Variants in NDST4 observed in about 807,000 individuals in gnomAD.
The protein encoded by NDST4 is N-deacetylase and N-sulfotransferase 4, also known as N-heparan sulfate sulfotransferase 4.
NDST4 carries 63 observed loss-of-function variants against 100.8 expected under a neutral mutation model. The ratio of observed to expected loss-of-function variants is 0.62; its 90% CI spans 0.51 to 0.77. The LOEUF is 0.77. Among genes scored for constraint, NDST4 ranks in the 30% least tolerant of loss-of-function variants. NDST4 has a pLI of 0.00. For missense variants in NDST4, 943 were observed against 1,018.4 expected (o/e 0.93, Z 1.01); for synonymous variants, 377 against 361.8 (o/e 1.04, Z -0.48).
intron 2 of NDST4, among the ~76,000 whole-genome samples, chr4:115,024,060 A>G (rs1028922813): frequency 1.8e-4 from 28 of 152,150 alleles, no homozygotes; most frequent in African/African-American, 6.0e-4. Flanking sequence ...CACATCATGT[A>G]AGAGCTGTAA....
At chr4:115,074,823 C>T (rs1465708646) in intron 2 of NDST4, among the ~76,000 whole-genome samples, 1 of 152,086 alleles carries the variant, frequency 6.6e-6, no homozygotes, top group African/African-American at 2.4e-5. Context: ...GATCCAAAAA[C>T]GTCGATAACA....
chr4:115,013,522 T>C lies in NDST4; in HGVS notation c.979-36248A>G, dbSNP rs555217460. Among the ~76,000 whole-genome samples the C allele has an allele frequency of 4.9e-4, 74 of 151,764 alleles. No individual in the cohort carries two copies. In the Middle Eastern group the frequency reaches 0.01, roughly 21 times the overall value. ...TGAAGAAAAGGAAATAATCAGATGT[T>C]TTAGGGACTATAGAGACTGACTTTG... On this transcript the variant is annotated intron_variant, in intron 2 of 13. Transcript: ENST00000264363.
chr4:115,059,190 A>C (rs1299882749), intron 2 of NDST4, among the ~76,000 whole-genome samples: 4 of 152,068 alleles, frequency 2.6e-5, no homozygotes, highest in African/African-American at 9.7e-5. Flanking sequence ...TTGTACCAAC[A>C]AGATGGTAAT....
chr4:115,067,292 T>A (rs1186371736), intron 2 of NDST4, among the ~76,000 whole-genome samples: 1 of 152,178 alleles, frequency 6.6e-6, no homozygotes, highest in Non-Finnish European at 1.5e-5. Context: ...TTTGTGTTTA[T>A]CTCTAACTCT....
At chr4:115,108,301 C>G (rs553777315) in intron 1 of NDST4, among the ~76,000 whole-genome samples, 2 of 151,890 alleles carry the variant, frequency 1.3e-5, no homozygotes, top group South Asian at 4.1e-4. Context: ...TTCAATACAT[C>G]AAGAAGAAGA....
At chr4:115,007,793 C>A (rs138524832) in intron 2 of NDST4, among the ~76,000 whole-genome samples, 1 of 129,428 alleles carries the variant, frequency 7.7e-6, no homozygotes, top group African/African-American at 2.9e-5. Flanking sequence ...CCAAGCATTT[C>A]CCTTTGCTTC....
chr4:114,954,740 A>T (rs753266840), intron 4 of NDST4, among the ~76,000 whole-genome samples: 28 of 152,170 alleles, frequency 1.8e-4, no homozygotes, highest in Non-Finnish European at 1.6e-4. Context: ...TGCATGTTGA[A>T]TTGTAATCTC....
At chr4:115,070,348 TGGGA>T (rs1162016842) in intron 2 of NDST4, among the ~76,000 whole-genome samples, 6 of 151,890 alleles carry the variant, frequency 4.0e-5, no homozygotes. Flanking sequence ...CACTTATAAG[TGGGA>T]GCTAAAAGAT....
intron 7 of NDST4, among the ~76,000 whole-genome samples, chr4:114,860,333 C>T (rs1451982187): frequency 6.6e-6 from 1 of 152,174 alleles, no homozygotes; most frequent in Non-Finnish European, 1.5e-5. Context: ...GAAGGCTGAA[C>T]TATCTATTCT....
At chr4:114,943,322 A>G (rs1404226258) in intron 4 of NDST4, among the ~76,000 whole-genome samples, 1 of 151,850 alleles carries the variant, frequency 6.6e-6, no homozygotes, top group Non-Finnish European at 1.5e-5. Context: ...TTACCATCAG[A>G]ATGTTATTTT....
At chr4:114,858,410 C>A (rs776750818) in intron 7 of NDST4, among the ~76,000 whole-genome samples, 1 of 152,094 alleles carries the variant, frequency 6.6e-6, no homozygotes, top group Non-Finnish European at 1.5e-5. Flanking sequence ...AAACTTCTTT[C>A]TGGTAAAGGA....
chr4:115,047,170 TC>T (rs1264889332), intron 2 of NDST4, among the ~76,000 whole-genome samples: 2 of 152,002 alleles, frequency 1.3e-5, no homozygotes, highest in Non-Finnish European at 2.9e-5. Context: ...TTATCCAGAG[TC>T]AATTATTATC....
intron 2 of NDST4, among the ~76,000 whole-genome samples, chr4:114,992,861 T>G (rs996989550): frequency 2.0e-5 from 3 of 151,880 alleles, no homozygotes; most frequent in Non-Finnish European, 4.4e-5. Context: ...TTACATTTCC[T>G]ATGAGAACTC....
At chr4:114,872,616 T>C (rs1003666161) in intron 6 of NDST4, among the ~76,000 whole-genome samples, 2 of 151,982 alleles carry the variant, frequency 1.3e-5, no homozygotes, top group Non-Finnish European at 2.9e-5. Flanking sequence ...TTAGATAAAA[T>C]CTTACCTAAA....
At chr4:114,867,331 T>A (rs998985272) in intron 7 of NDST4, among the ~76,000 whole-genome samples, 1 of 152,186 alleles carries the variant, frequency 6.6e-6, no homozygotes, top group African/African-American at 2.4e-5. Context: ...TCTTGACAGC[T>A]GGAATCAGCA....
At chr4:114,847,023 C>A (rs1005399043) in intron 9 of NDST4, among the ~76,000 whole-genome samples, 1 of 152,110 alleles carries the variant, frequency 6.6e-6, no homozygotes, top group African/African-American at 2.4e-5. Context: ...ACAATGGGAA[C>A]CTTGATCTGC....
chr4:115,014,081 CA>C (rs1447536061), intron 2 of NDST4, among the ~76,000 whole-genome samples: 2 of 152,054 alleles, frequency 1.3e-5, no homozygotes, highest in Non-Finnish European at 2.9e-5. Flanking sequence ...AGAAACAGCA[CA>C]ACCTCTTGTA....
At chr4:114,943,485 C>T (rs1725795672) in intron 4 of NDST4, among the ~76,000 whole-genome samples, 1 of 152,092 alleles carries the variant, frequency 6.6e-6, no homozygotes, top group Non-Finnish European at 1.5e-5. Flanking sequence ...TTTCTCCCAC[C>T]CTAGACTGAG....
intron 2 of NDST4, among the ~76,000 whole-genome samples, chr4:115,043,365 C>T (rs1336188607): frequency 3.3e-5 from 5 of 151,976 alleles, no homozygotes; most frequent in African/African-American, 1.2e-4. Context: ...TTTCTGCATG[C>T]TTTAGTTAGT....
Sources: allele counts gnomAD v4.1 joint callset (sites outside exome capture counted in the v4.1 genomes callset), GRCh38; gene constraint gnomAD v4.1.1; transcripts MANE v1.5; gene names NCBI Gene and HGNC (gene_info 2026-07-23, HGNC 2026-07-21).